TEAD1: variants seen among roughly 807,000 people sequenced by gnomAD.
TEAD1 encodes the protein TEA domain transcription factor 1.
A neutral mutation model predicts 54.9 loss-of-function variants in TEAD1; 9 were observed. That is an observed-to-expected ratio of 0.16 (90% CI 0.10 to 0.29). The LOEUF is 0.29. Among genes scored for constraint, TEAD1 ranks in the 10% least tolerant of loss-of-function variants. The pLI, the probability that TEAD1 is intolerant of heterozygous loss-of-function variation, is 1.00. For synonymous variants in TEAD1, 200 were observed against 187.8 expected (o/e 1.07, Z -0.53); for missense variants, 387 against 535.9 (o/e 0.72, Z 2.74).
chr11:12,806,544 C>T (rs1946176620), intron 3 of TEAD1, among the ~76,000 whole-genome samples: 1 of 152,144 alleles, frequency 6.6e-6, no homozygotes, highest in Non-Finnish European at 1.5e-5. Flanking sequence ...AGGAAGATGG[C>T]CAGAAGAAGA....
Position 12,764,190 on chromosome 11 carries a change from T to C in TEAD1, c.-43T>C, listed in dbSNP as rs764095562. The C allele has an allele frequency of 6.3e-7, 1 of 1,595,280 alleles. No individual in the cohort carries two copies. The highest frequency in any genetic ancestry group is 1.4e-5 in the African/African-American group (1 of 74,030). ...GTTTTCTCTTCTAGGTTTATTTTCT[T>C]GAAAAGGCTCCAGGCTTCGGCTTGG... On this transcript the variant is annotated 5_prime_UTR_variant, in exon 3 of 13. Coordinates refer to ENST00000527636, the MANE Select transcript of TEAD1 (RefSeq NM_021961.6).
chr11:12,730,845 C>T (rs1423955269), intron 2 of TEAD1, among the ~76,000 whole-genome samples: 2 of 151,718 alleles, frequency 1.3e-5, no homozygotes, highest in Non-Finnish European at 2.9e-5. Context: ...GAACTACAGG[C>T]ACACACCACC....
At chr11:12,733,537 T>C (rs1401033944) in intron 2 of TEAD1, among the ~76,000 whole-genome samples, 1 of 152,222 alleles carries the variant, frequency 6.6e-6, no homozygotes, top group East Asian at 1.9e-4. Flanking sequence ...AGCTTCTTCA[T>C]TGGTGGAACC....
intron 2 of TEAD1, among the ~76,000 whole-genome samples, chr11:12,742,810 A>G (rs1000686916): frequency 6.6e-6 from 1 of 152,234 alleles, no homozygotes; most frequent in African/African-American, 2.4e-5. Context: ...TTATTTACTG[A>G]TACAAGGTGT....
At chr11:12,892,365 C>T (rs771080215) in intron 9 of TEAD1, among the ~76,000 whole-genome samples, 24 of 152,092 alleles carry the variant, frequency 1.6e-4, no homozygotes, top group African/African-American at 3.1e-4. Flanking sequence ...TTCAGCCGGG[C>T]GCAGTGGTTC....
chr11:12,846,176 G>A (rs944377480), intron 3 of TEAD1, among the ~76,000 whole-genome samples: 1 of 152,230 alleles, frequency 6.6e-6, no homozygotes, highest in African/African-American at 2.4e-5. Flanking sequence ...TTTGGCCTTT[G>A]TCACATGACC....
At chr11:12,699,640 C>T (rs184898238) in intron 2 of TEAD1, among the ~76,000 whole-genome samples, 5 of 152,280 alleles carry the variant, frequency 3.3e-5, no homozygotes, top group Admixed American at 1.3e-4. Flanking sequence ...CTGATTTACT[C>T]ACTAGATTAT....
chr11:12,801,099 G>A (rs1341448925), intron 3 of TEAD1, among the ~76,000 whole-genome samples: 1 of 152,238 alleles, frequency 6.6e-6, no homozygotes, highest in Non-Finnish European at 1.5e-5. Context: ...GCAGGGAGGG[G>A]CTTGGGCTGA....
At chr11:12,872,429 G>A (rs1947768730) in intron 5 of TEAD1, among the ~76,000 whole-genome samples, 2 of 152,150 alleles carry the variant, frequency 1.3e-5, no homozygotes, top group African/African-American at 4.8e-5. Context: ...AATCTTCAGG[G>A]GGAGTTCTTT....
chr11:12,716,301 A>G (rs1054824708), intron 2 of TEAD1, among the ~76,000 whole-genome samples: 1 of 151,860 alleles, frequency 6.6e-6, no homozygotes, highest in African/African-American at 2.4e-5. Flanking sequence ...TCTGCGAGGG[A>G]GTGCAGCAGA....
At chr11:12,765,174 C>T (rs922790381) in intron 3 of TEAD1, among the ~76,000 whole-genome samples, 2 of 152,120 alleles carry the variant, frequency 1.3e-5, no homozygotes, top group Admixed American at 1.3e-4. Context: ...GCTCTGGATG[C>T]CTAGGGCAGC....
chr11:12,917,763 G>A (rs1445549840), intron 10 of TEAD1, among the ~76,000 whole-genome samples: 2 of 152,184 alleles, frequency 1.3e-5, no homozygotes, highest in Non-Finnish European at 2.9e-5. Flanking sequence ...TAGGGTCTCT[G>A]TTTCTAGAGC....
intron 3 of TEAD1, among the ~76,000 whole-genome samples, chr11:12,858,982 TATCTAAACATA>T (rs370343199): frequency 2.0e-5 from 3 of 152,168 alleles, no homozygotes; most frequent in African/African-American, 4.8e-5. Context: ...AAGACTTGGG[TATCTAAACATA>T]ATCTAAACAT....
intron 5 of TEAD1, chr11:12,865,253 C>A: frequency 4.4e-6 from 1 of 226,596 alleles, no homozygotes; most frequent in Non-Finnish European, 8.8e-6. Context: ...GCTAGGAAAG[C>A]TTAAAAAAAG....
chr11:12,857,544 G>A (rs1437967517), intron 3 of TEAD1, among the ~76,000 whole-genome samples: 1 of 149,702 alleles, frequency 6.7e-6, no homozygotes, highest in Non-Finnish European at 1.5e-5. Context: ...GTAGCATCAG[G>A]TTTACTGAAT....
chr11:12,879,687 T>C, intron 5 of TEAD1, 21 bp from the exon 6 acceptor site: 1 of 1,614,150 alleles, frequency 6.2e-7, no homozygotes, highest in Non-Finnish European at 8.5e-7. Context: ...ATTAAGTTGG[T>C]GTGTCACTGT....
rs1158493813 is a variant in TEAD1 at position 12,938,384 on chromosome 11, T to C, written c.*1162T>C. On this transcript the variant is annotated 3_prime_UTR_variant, in exon 13 of 13. Coordinates refer to ENST00000527636, the MANE Select transcript of TEAD1 (RefSeq NM_021961.6). ...ATTCTTTATTTCTAGTGACCCAATA[T>C]GCATATTAACCTGCTATAACTAGGG... 1 of 152,636 alleles carries C rather than the reference T, an allele frequency of 6.6e-6. No individual in the cohort carries two copies. The highest frequency in any genetic ancestry group is 1.5e-5 in the Non-Finnish European group (1 of 68,042). 9.5% of individuals were successfully genotyped at this position (152,636 alleles called of 1,614,324 possible).
chr11:12,910,394 G>A (rs1281507488), intron 10 of TEAD1, among the ~76,000 whole-genome samples: 1 of 152,182 alleles, frequency 6.6e-6, no homozygotes, highest in Non-Finnish European at 1.5e-5. Flanking sequence ...CTGCTCTAAA[G>A]AAAGCTGTAT....
intron 5 of TEAD1, among the ~76,000 whole-genome samples, chr11:12,870,748 TGGCAGTGTGCACC>T (rs1433898100): frequency 6.6e-6 from 1 of 152,126 alleles, no homozygotes; most frequent in African/African-American, 2.4e-5. Flanking sequence ...TAGCCAGGTA[TGGCAGTGTGCACC>T]GGCAGTTATA....
Sources: allele counts gnomAD v4.1 joint callset (sites outside exome capture counted in the v4.1 genomes callset), GRCh38; gene constraint gnomAD v4.1.1; transcripts MANE v1.5; gene names NCBI Gene and HGNC (gene_info 2026-07-23, HGNC 2026-07-21).